PDE4C: variants seen among roughly 807,000 people sequenced by gnomAD.
PDE4C encodes 3',5'-cyclic-AMP phosphodiesterase 4C.
In PDE4C, 50 loss-of-function variants were observed where a neutral mutation model predicts 63.9. The ratio of observed to expected loss-of-function variants is 0.78; its 90% CI spans 0.62 to 0.99. The LOEUF is 0.99. Among genes scored for constraint, PDE4C ranks in the 50% least tolerant of loss-of-function variants. The probability of loss-of-function intolerance (pLI) is 0.00; values close to 1 mark genes in which losing one functional copy is unlikely to be tolerated. For missense variants in PDE4C, 777 were observed against 899.1 expected (o/e 0.86, Z 1.74); for synonymous variants, 377 against 385.1 (o/e 0.98, Z 0.25).
intron 12 of PDE4C, among the ~76,000 whole-genome samples, chr19:18,215,677 G>T (rs1377594706): frequency 2.0e-5 from 3 of 151,708 alleles, no homozygotes; most frequent in Non-Finnish European, 2.9e-5. Flanking sequence ...ACCACACCCA[G>T]CTAATTTTTG....
chr19:18,233,896 G>A (rs992229928), upstream of PDE4C, among the ~76,000 whole-genome samples: 1 of 152,222 alleles, frequency 6.6e-6, no homozygotes, highest in African/African-American at 2.4e-5. Flanking sequence ...CGTACAGATA[G>A]CAGTCTTTCT....
exon 1 of PDE4C, chr19:18,233,396 T>G: frequency 1.4e-6 from 1 of 728,642 alleles, no homozygotes; most frequent in Non-Finnish European, 2.4e-6. Flanking sequence ...GATGCCCAGA[T>G]GGTGCTGAAG....
At chr19:18,229,005 G>A (rs1007479214), upstream of PDE4C, among the ~76,000 whole-genome samples, 2 of 151,956 alleles carry the variant, frequency 1.3e-5, no homozygotes, top group Non-Finnish European at 2.9e-5. Flanking sequence ...GCACAATCTC[G>A]GCTCACTGAA....
upstream of PDE4C, among the ~76,000 whole-genome samples, chr19:18,229,690 C>T (rs1363836230): frequency 6.6e-6 from 1 of 151,990 alleles, no homozygotes; most frequent in Non-Finnish European, 1.5e-5. Flanking sequence ...TAAACTGAGA[C>T]GTGGAGAGGG....
chr19:18,217,111 G>C (rs955302377), intron 11 of PDE4C: 1 of 479,438 alleles, frequency 2.1e-6, no homozygotes, highest in Admixed American at 3.7e-5. Flanking sequence ...GACTGGGAAG[G>C]CTCCTCATGG....
At chr19:18,228,029 C>A (rs375061192), upstream of PDE4C, among the ~76,000 whole-genome samples, 15 of 152,066 alleles carry the variant, frequency 9.9e-5, no homozygotes, top group Non-Finnish European at 1.9e-4. Context: ...AGACACCTGG[C>A]GGGAACCAGA....
chr19:18,234,901 AC>A (rs552647292), upstream of PDE4C, among the ~76,000 whole-genome samples: 1 of 150,756 alleles, frequency 6.6e-6, no homozygotes, highest in Admixed American at 6.6e-5. Flanking sequence ...CCTGTTCTCC[AC>A]CCCCCCACCA....
upstream of PDE4C, among the ~76,000 whole-genome samples, chr19:18,248,523 C>G (rs529897640): frequency 6.6e-6 from 1 of 151,810 alleles, no homozygotes; most frequent in East Asian, 1.9e-4. Flanking sequence ...ATTAATTGTT[C>G]ATGTGTTTGC....
chr19:18,211,793 C>T (rs1347981505), exon 14 of PDE4C: 1 of 1,614,146 alleles, frequency 6.2e-7, no homozygotes, highest in African/African-American at 1.3e-5. Flanking sequence ...ATGCTTGTCA[C>T]ACATGGGACT....
chr19:18,226,124 A>G (rs1326716709), intron 1 of PDE4C, 146 bp downstream of exon 1: 12 of 638,626 alleles, frequency 1.9e-5, no homozygotes, highest in Non-Finnish European at 1.6e-5. Flanking sequence ...GGAGAGAGAT[A>G]CAGAGAAAGC....
chr19:18,247,782 C>A (rs1449257093), intron 1 of PDE4C, among the ~76,000 whole-genome samples: 3 of 152,136 alleles, frequency 2.0e-5, no homozygotes, highest in Non-Finnish European at 4.4e-5. Context: ...CCAGGTACGG[C>A]CCTGTGGGAC....
At chr19:18,238,789 G>A (rs573195464) in intron 1 of PDE4C, among the ~76,000 whole-genome samples, 3 of 151,790 alleles carry the variant, frequency 2.0e-5, no homozygotes, top group South Asian at 4.2e-4. Context: ...TCAGGAATTC[G>A]ACACCAGCCT....
upstream of PDE4C, among the ~76,000 whole-genome samples, chr19:18,238,099 C>T (rs1968983522): frequency 6.6e-6 from 1 of 152,024 alleles, no homozygotes; most frequent in African/African-American, 2.4e-5. Flanking sequence ...GTGGTGTATG[C>T]CTGTAACCCC....
At chr19:18,222,187 C>G in exon 2 of PDE4C, 1 of 1,614,136 alleles carries the variant, frequency 6.2e-7, no homozygotes, top group Non-Finnish European at 8.5e-7. Flanking sequence ...AGTTCATAGT[C>G]GCTATCTGAG....
At chr19:18,235,794 C>T (rs1425750093), upstream of PDE4C, among the ~76,000 whole-genome samples, 1 of 152,020 alleles carries the variant, frequency 6.6e-6, no homozygotes, top group Non-Finnish European at 1.5e-5. Context: ...TCCAGCCACA[C>T]TGATCTGTTT....
upstream of PDE4C, among the ~76,000 whole-genome samples, chr19:18,228,214 A>T (rs1308197172): frequency 6.6e-6 from 1 of 151,978 alleles, no homozygotes; most frequent in East Asian, 1.9e-4. Context: ...CAATAGTTAC[A>T]TGTCCCCAAG....
upstream of PDE4C, among the ~76,000 whole-genome samples, chr19:18,235,451 G>A (rs919932927): frequency 7.9e-5 from 12 of 152,134 alleles, no homozygotes; most frequent in Non-Finnish European, 1.8e-4. Context: ...GATTACAGGC[G>A]TGAGCCACCA....
At chr19:18,226,184 G>T in intron 1 of PDE4C, 86 bp downstream of exon 1, 1 of 1,137,910 alleles carries the variant, frequency 8.8e-7, no homozygotes, top group Non-Finnish European at 1.3e-6. Context: ...GGCCCCAGCT[G>T]TCCCTGGCCT....
intron 8 of PDE4C, 22 bp from the exon 9 acceptor site, chr19:18,219,060 CTTAA>C (rs1311482106): frequency 6.3e-6 from 10 of 1,597,040 alleles, no homozygotes; most frequent in African/African-American, 1.3e-5. Flanking sequence ...AGGGCTGAAG[CTTAA>C]TTAACCCCAG....
Sources: allele counts gnomAD v4.1 joint callset (sites outside exome capture counted in the v4.1 genomes callset), GRCh38; gene constraint gnomAD v4.1.1; transcripts MANE v1.5; gene names NCBI Gene and HGNC (gene_info 2026-07-23, HGNC 2026-07-21).